VDR: variants seen among roughly 807,000 people sequenced by gnomAD.
VDR encodes vitamin D3 receptor.
In VDR, 19 loss-of-function variants were observed where a neutral mutation model predicts 39.7. The ratio of observed to expected loss-of-function variants is 0.48; its 90% CI spans 0.33 to 0.70. The LOEUF (loss-of-function observed/expected upper bound fraction) is 0.70. Ranked by LOEUF, VDR falls within the 30% of genes least tolerant of loss-of-function variation. The probability of loss-of-function intolerance (pLI) is 0.02; values close to 1 mark genes in which losing one functional copy is unlikely to be tolerated. For missense variants in VDR, 442 were observed against 570.5 expected (o/e 0.77, Z 2.29); for synonymous variants, 242 against 215.8 (o/e 1.12, Z -1.07).
rs191789838 is a variant in VDR at position 47,887,654 on chromosome 12, G to T, written c.-83-4880C>A. ...TTGTGGCCTGCACCTGGAGAGAACA[G>T]TGTCTGTTCTATGGAAAGGGCCCAT... On this transcript the variant is annotated intron_variant, in intron 1 of 9. Transcript: ENST00000549336. Among the ~76,000 whole-genome samples, 137 of 152,364 alleles carry T rather than the reference G, an allele frequency of 9.0e-4. 1 individual carries two copies. The highest frequency in any genetic ancestry group is 3.0e-3 in the African/African-American group (125 of 41,582).
At chr12:47,857,374 G>T in intron 5 of VDR, 125 bp from the exon 6 acceptor site, 1 of 1,598,742 alleles carries the variant, frequency 6.3e-7, no homozygotes, top group Middle Eastern at 1.7e-4. Context: ...AGTGCCAGGG[G>T]CAGAGCAGCC....
chr12:47,865,085 C>T lies in VDR; in HGVS notation c.239G>A (p.Arg80Gln), dbSNP rs121909793. The change falls in exon 4 of 10, where the codon CGG (arginine) becomes CAG (glutamine). Residue 80 changes from arginine to glutamine, a missense_variant. Arg to Gln is a conservative substitution (Grantham distance 43). Around this residue, in one of 5 missense-constraint regions of VDR, gnomAD observed 141 missense variants for 141.3 expected, o/e 1.00. Coordinates refer to ENST00000549336, the MANE Select transcript of VDR (RefSeq NM_000376.3). ...GCCGATGTCCACACAGCGTTTGAGC[C>T]GGCAGGCCTGGCAGTGGCGTCGGTT... ...KDNRRHCQAC[R>Q]LKRCVDIGMM... 3.7e-6 allele frequency: 6 copies of T among 1,613,934 alleles called. No homozygotes were observed. The highest frequency in any genetic ancestry group is 2.2e-5 in the East Asian group (1 of 44,880).
chr12:47,904,462 T>TAAAAAAAAAAA (rs17886628), intron 1 of VDR: 50 of 359,906 alleles, frequency 1.4e-4, no homozygotes, highest in East Asian at 4.1e-4. Context: ...CAAAGAAAAG[T>TAAAAAAAAAAA]AAAAAAAAAA....
chr12:47,900,980 A>G (rs1180992378), intron 1 of VDR, among the ~76,000 whole-genome samples: 2 of 152,164 alleles, frequency 1.3e-5, no homozygotes, highest in African/African-American at 2.4e-5. Context: ...TTGCAAAAGC[A>G]TGACACACAT....
At chr12:47,878,688 G>T in intron 3 of VDR, 2 of 529,998 alleles carry the variant, frequency 3.8e-6, no homozygotes, top group South Asian at 3.2e-5. Flanking sequence ...GTGGGTTGGT[G>T]TAGGAGGCTG....
chr12:47,868,705 G>A (rs907889968), intron 3 of VDR, among the ~76,000 whole-genome samples: 7 of 151,802 alleles, frequency 4.6e-5, no homozygotes, highest in East Asian at 1.9e-4. Flanking sequence ...CAGAATGCCC[G>A]TAATTCTCTA....
chr12:47,852,901 A>G (rs1387511372), intron 7 of VDR, among the ~76,000 whole-genome samples: 1 of 152,136 alleles, frequency 6.6e-6, no homozygotes, highest in East Asian at 1.9e-4. Flanking sequence ...CCAGCTCCCC[A>G]TATTCCAGCA....
At chr12:47,901,604 T>C (rs1453416717) in intron 1 of VDR, 1 of 153,904 alleles carries the variant, frequency 6.5e-6, no homozygotes, top group Admixed American at 6.5e-5. Context: ...TGGGCGAGGT[T>C]TGCCTACCCT....
intron 7 of VDR, 66 bp downstream of exon 7, chr12:47,855,564 C>G (rs1945468176): frequency 1.3e-6 from 2 of 1,589,162 alleles, no homozygotes; most frequent in African/African-American, 1.3e-5. Context: ...GAGTGATCTC[C>G]AACCCTTCTT....
rs1565622821 is a variant in VDR at position 47,871,355 on chromosome 12, T to TTTCTTTCTTTCTTTCTTTCG, written c.147-6179_147-6178insCGAAAGAAAGAAAGAAAGAA. ...CTTTCTTTCTTTCTTTCTTTCTTTC[T>TTTCTTTCTTTCTTTCTTTCG]TTCCTTTCTCTCTCTCTCTCTCTTC... On this transcript the variant is annotated intron_variant, in intron 3 of 9. Coordinates refer to ENST00000549336, the MANE Select transcript of VDR (RefSeq NM_000376.3). Among the ~76,000 whole-genome samples, 14 of 146,640 alleles carry TTTCTTTCTTTCTTTCTTTCG rather than the reference T, an allele frequency of 9.5e-5. No individual in the cohort carries two copies. In the South Asian group the frequency reaches 3.1e-3, roughly 32 times the overall value.
intron 4 of VDR, among the ~76,000 whole-genome samples, chr12:47,861,425 T>C (rs1945623017): frequency 6.6e-6 from 1 of 152,248 alleles, no homozygotes; most frequent in South Asian, 2.1e-4. Context: ...ATGAGCCTTC[T>C]GCAAGGCAAC....
chr12:47,895,864 G>C (rs1357725719), intron 1 of VDR, among the ~76,000 whole-genome samples: 6 of 152,240 alleles, frequency 3.9e-5, no homozygotes, highest in African/African-American at 1.4e-4. Context: ...GGCCGAGAGG[G>C]GCTGCTCCCA....
intron 3 of VDR, among the ~76,000 whole-genome samples, chr12:47,871,310 CTT>C (rs1439669802): frequency 7.6e-6 from 1 of 132,446 alleles, no homozygotes; most frequent in South Asian, 2.6e-4. Flanking sequence ...TTCTTTCTTT[CTT>C]TCTTTCTTTC....
intron 3 of VDR, among the ~76,000 whole-genome samples, chr12:47,872,583 A>G (rs1945905204): frequency 6.6e-6 from 1 of 152,184 alleles, no homozygotes; most frequent in Admixed American, 6.5e-5. Flanking sequence ...TGCTAGTTAC[A>G]GCAACCACTG....
intron 1 of VDR, among the ~76,000 whole-genome samples, chr12:47,904,009 A>G (rs7979360): frequency 0.13 from 20,130 of 151,754 alleles, 4,163 homozygotes; most frequent in African/African-American, 0.44. Context: ...TGCCTGCCCA[A>G]CTGCTTGCCT....
At chr12:47,847,049 A>G (rs1174152108) in intron 7 of VDR, among the ~76,000 whole-genome samples, 1 of 151,836 alleles carries the variant, frequency 6.6e-6, no homozygotes, top group Non-Finnish European at 1.5e-5. Context: ...GACAAGAAAA[A>G]CTCAGAGACC....
At chr12:47,872,741 C>G (rs1478411932) in intron 3 of VDR, among the ~76,000 whole-genome samples, 1 of 152,162 alleles carries the variant, frequency 6.6e-6, no homozygotes, top group Non-Finnish European at 1.5e-5. Flanking sequence ...ACTGCCAACA[C>G]ATCACATAGT....
At chr12:47,895,465 GCTTT>G (rs564104519) in intron 1 of VDR, among the ~76,000 whole-genome samples, 212 of 152,314 alleles carry the variant, frequency 1.4e-3, no homozygotes, top group African/African-American at 4.8e-3. Flanking sequence ...TACTCTGAAA[GCTTT>G]CTTTCTAACT....
chr12:47,895,197 G>A (rs1946442285), intron 1 of VDR, among the ~76,000 whole-genome samples: 4 of 152,176 alleles, frequency 2.6e-5, no homozygotes, highest in Admixed American at 2.6e-4. Flanking sequence ...GGTAAAAAGG[G>A]GAAGGCTGTG....
Sources: gnomAD v4.1 joint callset for allele counts (sites outside exome capture counted in the v4.1 genomes callset) on GRCh38, gnomAD v4.1.1 for gene constraint, gnomAD v4.1.1 regional missense constraint, MANE v1.5 for transcripts, NCBI Gene and HGNC (gene_info 2026-07-23, HGNC 2026-07-21) for gene names.